FCHSD2: variants seen among roughly 807,000 people sequenced by gnomAD.
The protein encoded by FCHSD2 is F-BAR and double SH3 domains protein 2.
In FCHSD2, 38 loss-of-function variants were observed where a neutral mutation model predicts 108.1. The ratio of observed to expected loss-of-function variants is 0.35; its 90% CI spans 0.27 to 0.46. The LOEUF is 0.46. Ranked by LOEUF, FCHSD2 falls within the 20% of genes least tolerant of loss-of-function variation. The pLI, the probability that FCHSD2 is intolerant of heterozygous loss-of-function variation, is 1.00. For synonymous variants in FCHSD2, 279 were observed against 314.7 expected (o/e 0.89, Z 1.20); for missense variants, 751 against 897.8 (o/e 0.84, Z 2.09).
intron 3 of FCHSD2, among the ~76,000 whole-genome samples, chr11:73,032,709 G>A (rs190762991): frequency 6.6e-6 from 1 of 151,910 alleles, no homozygotes; most frequent in Admixed American, 6.6e-5. Flanking sequence ...TTCCCCAAAG[G>A]AAATGAAAAT....
intron 14 of FCHSD2, among the ~76,000 whole-genome samples, chr11:72,844,229 C>T (rs1247237987): frequency 1.3e-5 from 2 of 152,066 alleles, no homozygotes; most frequent in African/African-American, 4.8e-5. Context: ...GGAACTGCTA[C>T]CAGAGGGCTC....
intron 2 of FCHSD2, among the ~76,000 whole-genome samples, chr11:73,114,115 A>G (rs1860554482): frequency 6.6e-6 from 1 of 151,728 alleles, no homozygotes; most frequent in South Asian, 2.1e-4. Flanking sequence ...GCTCTATTCT[A>G]CTGCAGCTAA....
intron 3 of FCHSD2, among the ~76,000 whole-genome samples, chr11:73,062,383 T>A (rs1859188717): frequency 6.6e-6 from 1 of 152,136 alleles, no homozygotes; most frequent in African/African-American, 2.4e-5. Context: ...CCTCTTCTCC[T>A]CCAAAGGATC....
Position 73,141,908 on chromosome 11 carries a change from G to A in FCHSD2, c.-31C>T, listed in dbSNP as rs538352718. 249 of 1,540,866 alleles carry A rather than the reference G, an allele frequency of 1.6e-4. 3 individuals carry two copies. In the African/African-American group the frequency reaches 3.0e-3, roughly 18 times the overall value. ...TGAAGGGACATCAATCCTCCCCGACGGCAGCGTTAGCAAGGACCAGGAGGA... is the reference window on the plus strand; with the variant it reads ...TGAAGGGACATCAATCCTCCCCGACAGCAGCGTTAGCAAGGACCAGGAGGA... On this transcript the variant is annotated 5_prime_UTR_variant, in exon 1 of 20. Coordinates refer to ENST00000409418, the MANE Select transcript of FCHSD2 (RefSeq NM_014824.3).
chr11:73,116,136 G>A (rs1261162666), intron 2 of FCHSD2, among the ~76,000 whole-genome samples: 1 of 152,076 alleles, frequency 6.6e-6, no homozygotes, highest in Admixed American at 6.5e-5. Context: ...TTTTTATTCT[G>A]ATTGGATACT....
chr11:73,006,503 G>A (rs1423793183), intron 4 of FCHSD2, among the ~76,000 whole-genome samples: 1 of 152,048 alleles, frequency 6.6e-6, no homozygotes, highest in Non-Finnish European at 1.5e-5. Context: ...AAATACCATG[G>A]AATTTAATTA....
At chr11:72,899,200 T>G (rs1391486059) in intron 10 of FCHSD2, among the ~76,000 whole-genome samples, 1 of 152,270 alleles carries the variant, frequency 6.6e-6, no homozygotes, top group African/African-American at 2.4e-5. Context: ...TCACCTATTA[T>G]TTTTATTCTT....
chr11:73,020,622 G>A (rs1591487632), intron 3 of FCHSD2, among the ~76,000 whole-genome samples: 3 of 151,928 alleles, frequency 2.0e-5, no homozygotes, highest in African/African-American at 7.2e-5. Flanking sequence ...CTAAAGGAAA[G>A]TTTTAAAATA....
intron 6 of FCHSD2, among the ~76,000 whole-genome samples, chr11:72,986,293 T>A (rs1857310263): frequency 6.6e-6 from 1 of 152,208 alleles, no homozygotes; most frequent in Non-Finnish European, 1.5e-5. Flanking sequence ...CACTGCAACC[T>A]CTGCCTCCTG....
intron 2 of FCHSD2, among the ~76,000 whole-genome samples, chr11:73,109,055 T>A (rs898562282): frequency 1.3e-5 from 2 of 152,224 alleles, no homozygotes; most frequent in African/African-American, 4.8e-5. Context: ...GATGTATGGA[T>A]TTGCTTTTGG....
intron 3 of FCHSD2, among the ~76,000 whole-genome samples, chr11:73,064,793 G>A (rs1331965409): frequency 6.6e-6 from 1 of 151,990 alleles, no homozygotes; most frequent in East Asian, 1.9e-4. Context: ...TACACCCTCC[G>A]AAGTCTAAAC....
intron 2 of FCHSD2, among the ~76,000 whole-genome samples, chr11:73,089,700 A>G (rs979141978): frequency 6.6e-6 from 1 of 152,252 alleles, no homozygotes; most frequent in Admixed American, 6.5e-5. Flanking sequence ...CATATATTTT[A>G]GAATTTCATT....
intron 12 of FCHSD2, among the ~76,000 whole-genome samples, chr11:72,872,958 T>C (rs1854892349): frequency 6.6e-6 from 1 of 152,226 alleles, no homozygotes; most frequent in Non-Finnish European, 1.5e-5. Flanking sequence ...TTAATGTCTG[T>C]CTTTTGACTC....
intron 6 of FCHSD2, among the ~76,000 whole-genome samples, chr11:72,986,870 C>T (rs1010386109): frequency 3.9e-5 from 6 of 152,122 alleles, no homozygotes; most frequent in Non-Finnish European, 5.9e-5. Flanking sequence ...AACTATACCG[C>T]GTGCTACTCT....
chr11:73,036,559 G>A (rs72982879), intron 3 of FCHSD2, among the ~76,000 whole-genome samples: 2,141 of 152,184 alleles, frequency 0.014, 29 homozygotes, highest in Middle Eastern at 0.038. Flanking sequence ...CATACTGCAA[G>A]TCCCTGATAA....
At chr11:72,955,522 A>G (rs1340437523) in intron 8 of FCHSD2, among the ~76,000 whole-genome samples, 1 of 152,126 alleles carries the variant, frequency 6.6e-6, no homozygotes, top group Non-Finnish European at 1.5e-5. Context: ...TCCTCTCTGA[A>G]GTAGGTGGGT....
chr11:73,120,641 A>C (rs1860710600), intron 2 of FCHSD2, among the ~76,000 whole-genome samples: 1 of 152,108 alleles, frequency 6.6e-6, no homozygotes, highest in Non-Finnish European at 1.5e-5. Context: ...AGGCTGGAGA[A>C]TCATTTCATC....
intron 8 of FCHSD2, among the ~76,000 whole-genome samples, chr11:72,957,843 T>A (rs1000229587): frequency 6.6e-6 from 1 of 152,032 alleles, no homozygotes; most frequent in Non-Finnish European, 1.5e-5. Flanking sequence ...AAATATATAG[T>A]GAGGGAGAGG....
At position 72,843,416 on chromosome 11, in the gene FCHSD2, A is replaced by G. The variant is rs188595798; in HGVS notation, c.1527+33T>C. On this transcript the variant is annotated intron_variant, in intron 15 of 19. Transcript: ENST00000409418. ...ACCAAAACAAACTCCTAAAAATGTC[A>G]CAAGAAAGGGCGATATGAGCAAAGG... is the stretch of plus-strand genomic sequence containing the variant. The G allele has an allele frequency of 2.7e-4, 436 of 1,608,130 alleles. No homozygotes were observed. In the African/African-American group the frequency reaches 5.0e-3, roughly 18 times the overall value.
Sources: allele counts gnomAD v4.1 joint callset (sites outside exome capture counted in the v4.1 genomes callset), GRCh38; gene constraint gnomAD v4.1.1; transcripts MANE v1.5; gene names NCBI Gene and HGNC (gene_info 2026-07-23, HGNC 2026-07-21).